The following ANKS1B variants were observed in gnomAD, a reference collection of about 807,000 sequenced individuals.
ANKS1B encodes ankyrin repeat and sterile alpha motif domain-containing protein 1B.
In ANKS1B, 36 loss-of-function variants were observed where a neutral mutation model predicts 148.3. The observed-to-expected ratio is 0.24, with a 90% confidence interval of 0.19 to 0.32. ANKS1B has a LOEUF of 0.32. Among genes scored for constraint, ANKS1B ranks in the 10% least tolerant of loss-of-function variants. The pLI is 1.00. For missense variants in ANKS1B, 1,157 were observed against 1,542.6 expected, an observed-to-expected ratio of 0.75 and a Z score of 4.19; for synonymous variants, 542 against 560.8, an observed-to-expected ratio of 0.97 and a Z score of 0.47.
chr12:99,499,036 T>C (rs1302962620), intron 10 of ANKS1B, among the ~76,000 whole-genome samples: 2 of 152,036 alleles, frequency 1.3e-5, no homozygotes, highest in Non-Finnish European at 2.9e-5. Flanking sequence ...GAGGAAAAAA[T>C]GCAAACTATT....
intron 15 of ANKS1B, among the ~76,000 whole-genome samples, chr12:99,142,851 G>A (rs1461225350): frequency 6.6e-6 from 1 of 152,046 alleles, no homozygotes; most frequent in African/African-American, 2.4e-5. Context: ...TTTTGAAACA[G>A]TGAGGGATTT....
intron 10 of ANKS1B, among the ~76,000 whole-genome samples, chr12:99,453,908 T>C (rs1026238836): frequency 1.3e-5 from 2 of 152,066 alleles, no homozygotes; most frequent in African/African-American, 4.8e-5. Flanking sequence ...AATGAGCCAC[T>C]AACCAAATGA....
At chr12:99,287,183 A>T (rs2079250299) in intron 12 of ANKS1B, among the ~76,000 whole-genome samples, 1 of 152,166 alleles carries the variant, frequency 6.6e-6, no homozygotes, top group South Asian at 2.1e-4. Flanking sequence ...CCCCTCTGAC[A>T]GCTCCAGGGA....
At chr12:99,364,004 C>A (rs891100289) in intron 12 of ANKS1B, among the ~76,000 whole-genome samples, 6 of 152,088 alleles carry the variant, frequency 3.9e-5, no homozygotes, top group African/African-American at 1.4e-4. Context: ...AAGGGGAGGG[C>A]TCTGAAGCCA....
chr12:99,120,722 C>G (rs2062572917), intron 15 of ANKS1B, among the ~76,000 whole-genome samples: 1 of 152,122 alleles, frequency 6.6e-6, no homozygotes, highest in South Asian at 2.1e-4. Flanking sequence ...ATAGTGATGC[C>G]ATTTACTGAC....
At chr12:98,925,637 G>T (rs1309314716) in intron 17 of ANKS1B, among the ~76,000 whole-genome samples, 4 of 152,106 alleles carry the variant, frequency 2.6e-5, no homozygotes, top group Admixed American at 2.0e-4. Flanking sequence ...ATAACCATCT[G>T]CCTCTCCACA....
intron 10 of ANKS1B, among the ~76,000 whole-genome samples, chr12:99,452,903 A>G (rs891766285): frequency 3.3e-5 from 5 of 152,186 alleles, no homozygotes; most frequent in African/African-American, 9.6e-5. Context: ...AGCCTCTAGG[A>G]TGGTCCCAAT....
At chr12:99,296,372 T>C (rs1171991886) in intron 12 of ANKS1B, among the ~76,000 whole-genome samples, 1 of 152,208 alleles carries the variant, frequency 6.6e-6, no homozygotes, top group Non-Finnish European at 1.5e-5. Flanking sequence ...GGGATTTTGA[T>C]TGGGTTGGCA....
intron 1 of ANKS1B, among the ~76,000 whole-genome samples, chr12:99,840,555 G>A (rs1407995744): frequency 6.6e-6 from 1 of 152,050 alleles, no homozygotes; most frequent in East Asian, 1.9e-4. Flanking sequence ...AGAGCAAAGG[G>A]GTAGCATCAT....
intron 8 of ANKS1B, among the ~76,000 whole-genome samples, chr12:99,757,431 AAC>A (rs1391561010): frequency 5.3e-5 from 8 of 151,996 alleles, no homozygotes; most frequent in Admixed American, 5.3e-4. Flanking sequence ...AAATGTAAAA[AAC>A]ATAACAGACG....
rs2054924979 is a variant in ANKS1B, at chr12:99,702,101, T to C, written c.1129-46891A>G. 5.3e-5 allele frequency among the ~76,000 whole-genome samples: 8 copies of C among 152,180 alleles called. No individual in the cohort carries two copies. In the South Asian group the frequency reaches 1.7e-3, roughly 32 times the overall value. On this transcript the variant is annotated intron_variant, in intron 8 of 26. Transcript: ENST00000683438. ...ATATGGTAGTTCTATTTTTAGTTTTTTGAGGAACCTCCATATTGTCTTCCA... is the reference window on the plus strand; with the variant it reads ...ATATGGTAGTTCTATTTTTAGTTTTCTGAGGAACCTCCATATTGTCTTCCA...
chr12:99,323,728 A>T (rs2152199838), intron 12 of ANKS1B, among the ~76,000 whole-genome samples: 1 of 152,314 alleles, frequency 6.6e-6, no homozygotes, highest in Non-Finnish European at 1.5e-5. Flanking sequence ...AAGATGGGAC[A>T]GAGAAAAAGG....
At chr12:99,555,303 T>C (rs144452228) in intron 9 of ANKS1B, among the ~76,000 whole-genome samples, 3 of 152,266 alleles carry the variant, frequency 2.0e-5, no homozygotes, top group African/African-American at 7.2e-5. Context: ...CTGTTCTCTG[T>C]TTGCTGAAGT....
chr12:98,799,293 C>T (rs2098979720), intron 21 of ANKS1B, among the ~76,000 whole-genome samples: 1 of 152,190 alleles, frequency 6.6e-6, no homozygotes, highest in African/African-American at 2.4e-5. Flanking sequence ...ATGGGGGCAT[C>T]TAAAAATGTT....
intron 17 of ANKS1B, among the ~76,000 whole-genome samples, chr12:98,921,765 G>A (rs146972220): frequency 7.6e-4 from 116 of 152,272 alleles, no homozygotes; most frequent in African/African-American, 2.4e-3. Context: ...AAAGAAGATG[G>A]AAATCCATCT....
At chr12:99,227,403 A>G (rs993811530) in intron 14 of ANKS1B, among the ~76,000 whole-genome samples, 2 of 151,836 alleles carry the variant, frequency 1.3e-5, no homozygotes, top group Non-Finnish European at 2.9e-5. Flanking sequence ...AGCCAATTAA[A>G]CCTCTTTTCT....
intron 15 of ANKS1B, among the ~76,000 whole-genome samples, chr12:99,119,517 T>C (rs541712294): frequency 6.6e-6 from 1 of 152,234 alleles, no homozygotes; most frequent in Non-Finnish European, 1.5e-5. Context: ...TACTAATATA[T>C]TGCTGAACTT....
intron 1 of ANKS1B, among the ~76,000 whole-genome samples, chr12:99,843,994 A>C (rs1173367378): frequency 2.6e-5 from 4 of 152,270 alleles, no homozygotes; most frequent in Admixed American, 1.3e-4. Context: ...CATTTCTCTA[A>C]TGATAGGTGA....
intron 24 of ANKS1B, among the ~76,000 whole-genome samples, chr12:98,773,996 C>A (rs1421801825): frequency 6.6e-6 from 1 of 152,188 alleles, no homozygotes; most frequent in Non-Finnish European, 1.5e-5. Context: ...CTGAAGGAAG[C>A]AGGCAGGTGG....
Sources: allele counts gnomAD v4.1 joint callset (sites outside exome capture counted in the v4.1 genomes callset), GRCh38; gene constraint gnomAD v4.1.1; transcripts MANE v1.5; gene names NCBI Gene and HGNC (gene_info 2026-07-23, HGNC 2026-07-21).